Variants in GRM8 observed in about 807,000 individuals in gnomAD.
The protein encoded by GRM8 is glutamate metabotropic receptor 8.
In GRM8, 47 loss-of-function variants were observed where a neutral mutation model predicts 87.2. The observed-to-expected ratio is 0.54, with a 90% CI of 0.43 to 0.69. GRM8 has a LOEUF of 0.69. GRM8 is among the 30% of genes least tolerant of loss of function. GRM8 has a pLI of 0.00. For synonymous variants in GRM8, 396 were observed against 404.5 expected (o/e 0.98, Z 0.25); for missense variants, 1,019 against 1,139.2 (o/e 0.89, Z 1.52).
chr7:127,134,195 T>C (rs1365241974), intron 2 of GRM8, among the ~76,000 whole-genome samples: 2 of 152,240 alleles, frequency 1.3e-5, no homozygotes, highest in Non-Finnish European at 2.9e-5. Flanking sequence ...ATATACTCTA[T>C]CAGGCACTCT....
chr7:126,887,205 C>G (rs901710700), intron 6 of GRM8, among the ~76,000 whole-genome samples: 1 of 152,088 alleles, frequency 6.6e-6, no homozygotes, highest in South Asian at 2.1e-4. Flanking sequence ...GGAAAGGAAA[C>G]GTGTAGCTAA....
At chr7:126,567,263 T>C (rs1794299114) in intron 8 of GRM8, among the ~76,000 whole-genome samples, 1 of 152,084 alleles carries the variant, frequency 6.6e-6, no homozygotes, top group Non-Finnish European at 1.5e-5. Context: ...TGTAGGGACA[T>C]AGATGAAGCT....
At chr7:126,834,961 A>G (rs193281646) in intron 6 of GRM8, among the ~76,000 whole-genome samples, 1 of 151,934 alleles carries the variant, frequency 6.6e-6, no homozygotes, top group East Asian at 1.9e-4. Context: ...CTGTATTCCC[A>G]GCTATTTGGG....
chr7:127,086,430 T>C (rs779954508), intron 3 of GRM8, among the ~76,000 whole-genome samples: 13 of 152,168 alleles, frequency 8.5e-5, no homozygotes, highest in Non-Finnish European at 1.6e-4. Context: ...CAGAAAGCTA[T>C]GTATCCAAAT....
intron 8 of GRM8, among the ~76,000 whole-genome samples, chr7:126,535,454 A>G (rs540503881): frequency 6.6e-6 from 1 of 152,280 alleles, no homozygotes; most frequent in African/African-American, 2.4e-5. Flanking sequence ...TTAGAAGAAA[A>G]CAGCTTTATT....
At chr7:127,112,546 T>A (rs985597463) in intron 2 of GRM8, among the ~76,000 whole-genome samples, 3 of 152,226 alleles carry the variant, frequency 2.0e-5, no homozygotes, top group Non-Finnish European at 4.4e-5. Context: ...ACCCCTTTTG[T>A]TATTTTCTTC....
chr7:127,077,706 A>G (rs1822430448), intron 3 of GRM8, among the ~76,000 whole-genome samples: 1 of 152,170 alleles, frequency 6.6e-6, no homozygotes, highest in Admixed American at 6.5e-5. Context: ...TCTGCCAGGT[A>G]ACAACCCCCT....
At chr7:127,117,299 C>A (rs939315155) in intron 2 of GRM8, among the ~76,000 whole-genome samples, 6 of 152,044 alleles carry the variant, frequency 3.9e-5, no homozygotes, top group Non-Finnish European at 7.4e-5. Context: ...TGTTTCTTTA[C>A]AAGGTAATAT....
intron 7 of GRM8, among the ~76,000 whole-genome samples, chr7:126,633,664 A>G (rs1467403034): frequency 6.6e-6 from 1 of 152,094 alleles, no homozygotes; most frequent in African/African-American, 2.4e-5. Context: ...GTTTTTTTGA[A>G]AAGCACTAGG....
intron 8 of GRM8, among the ~76,000 whole-genome samples, chr7:126,583,098 G>A (rs1369111624): frequency 2.0e-5 from 3 of 152,208 alleles, no homozygotes; most frequent in African/African-American, 4.8e-5. Flanking sequence ...GCTCATGCCT[G>A]TAGTCCCAGC....
intron 7 of GRM8, among the ~76,000 whole-genome samples, chr7:126,692,710 A>AATAAAAC (rs1808957626): frequency 6.6e-6 from 1 of 152,214 alleles, no homozygotes; most frequent in African/African-American, 2.4e-5. Context: ...TGGAAAAAAA[A>AATAAAAC]ATAAAACACT....
chr7:126,579,967 G>A (rs937670616), intron 8 of GRM8, among the ~76,000 whole-genome samples: 1 of 151,722 alleles, frequency 6.6e-6, no homozygotes, highest in African/African-American at 2.4e-5. Context: ...AGGATATTTG[G>A]TAAAAAGAAA....
At chr7:127,012,303 C>T (rs1205526676) in intron 3 of GRM8, among the ~76,000 whole-genome samples, 1 of 152,224 alleles carries the variant, frequency 6.6e-6, no homozygotes, top group East Asian at 1.9e-4. Context: ...CCTTTGCTGT[C>T]TTTTCTTCTC....
intron 7 of GRM8, among the ~76,000 whole-genome samples, chr7:126,675,128 G>C (rs1214966362): frequency 6.6e-6 from 1 of 152,056 alleles, no homozygotes; most frequent in African/African-American, 2.4e-5. Context: ...AGTTACCTTT[G>C]GTTTGAAGCA....
At chr7:126,859,196 C>T (rs546955850) in intron 6 of GRM8, among the ~76,000 whole-genome samples, 115 of 152,206 alleles carry the variant, frequency 7.6e-4, no homozygotes, top group Admixed American at 2.7e-3. Context: ...TGGTTCACCA[C>T]GACAGGTCGA....
At chr7:127,041,560 G>T (rs927771329) in intron 3 of GRM8, among the ~76,000 whole-genome samples, 2 of 152,150 alleles carry the variant, frequency 1.3e-5, no homozygotes, top group Admixed American at 1.3e-4. Flanking sequence ...GTACCAACAG[G>T]CAATTATAGT....
At chr7:126,440,233 G>A (rs1801303974) in intron 10 of GRM8, among the ~76,000 whole-genome samples, 1 of 151,636 alleles carries the variant, frequency 6.6e-6, no homozygotes, top group South Asian at 2.1e-4. Flanking sequence ...CCAGCATGGT[G>A]AAATCCTGTG....
chr7:126,483,858 C>G (rs1160959652), intron 9 of GRM8, among the ~76,000 whole-genome samples: 5 of 146,076 alleles, frequency 3.4e-5, no homozygotes, highest in Non-Finnish European at 6.0e-5. Flanking sequence ...ACAAAAACCA[C>G]TAATGCATCC....
chr7:126,535,212 A>C (rs1432989717), intron 8 of GRM8, among the ~76,000 whole-genome samples: 2 of 152,204 alleles, frequency 1.3e-5, no homozygotes, highest in Non-Finnish European at 2.9e-5. Flanking sequence ...GCCACTTTGA[A>C]TAGGGCTAGT....
Sources: gnomAD v4.1 joint callset for allele counts (sites outside exome capture counted in the v4.1 genomes callset) on GRCh38, gnomAD v4.1.1 for gene constraint, MANE v1.5 for transcripts, NCBI Gene and HGNC (gene_info 2026-07-23, HGNC 2026-07-21) for gene names.